IL1RAPL2: variants seen among roughly 807,000 people sequenced by gnomAD.
IL1RAPL2 encodes interleukin 1 receptor accessory protein like 2.
A neutral mutation model predicts 44.1 loss-of-function variants in IL1RAPL2; 3 were observed. That is an observed-to-expected ratio of 0.07 (90% CI 0.03 to 0.18). IL1RAPL2 has a LOEUF of 0.18. Ranked by LOEUF, IL1RAPL2 falls within the 10% of genes least tolerant of loss-of-function variation. The probability of loss-of-function intolerance (pLI) is 1.00; values close to 1 mark genes in which losing one functional copy is unlikely to be tolerated. For missense variants in IL1RAPL2, 391 were observed against 496.4 expected (o/e 0.79, Z 2.02); for synonymous variants, 181 against 178.8 (o/e 1.01, Z -0.10).
At chrX:105,662,668 T>C (rs759762818) in intron 6 of IL1RAPL2, among the ~76,000 whole-genome samples, 9 of 111,727 alleles carry the variant, frequency 8.1e-5, no homozygotes, top group Non-Finnish European at 1.1e-4. Flanking sequence ...TGTGTCTTCC[T>C]CCTCACTGGC....
chrX:104,669,718 C>T (rs908212109), intron 2 of IL1RAPL2, among the ~76,000 whole-genome samples: 4 of 111,763 alleles, frequency 3.6e-5, no homozygotes, highest in African/African-American at 1.3e-4. Context: ...AACCCCTGAC[C>T]TATTGAGGTT....
chrX:105,504,079 G>T (rs1021078591), intron 6 of IL1RAPL2, among the ~76,000 whole-genome samples: 1 of 111,893 alleles, frequency 8.9e-6, no homozygotes, highest in African/African-American at 3.2e-5. Context: ...CTTACATCAA[G>T]ATCTGTATGA....
At chrX:105,175,434 TATTA>T (rs2033463924) in intron 2 of IL1RAPL2, among the ~76,000 whole-genome samples, 1 of 111,701 alleles carries the variant, frequency 9.0e-6, no homozygotes, top group Non-Finnish European at 1.9e-5. Flanking sequence ...TCAGGAGTGA[TATTA>T]ATTATGATTA....
intron 3 of IL1RAPL2, among the ~76,000 whole-genome samples, chrX:105,209,144 T>A (rs782591263): frequency 8.9e-6 from 1 of 112,352 alleles, no homozygotes; most frequent in South Asian, 3.7e-4. Context: ...CAGAAAATTC[T>A]GATTTTTAAG....
At chrX:105,506,524 A>C (rs1169927480) in intron 6 of IL1RAPL2, among the ~76,000 whole-genome samples, 1 of 111,565 alleles carries the variant, frequency 9.0e-6, no homozygotes, top group African/African-American at 3.3e-5. Flanking sequence ...CAGTGAGAAG[A>C]TTCCAGGCCT....
At chrX:104,678,486 A>G (rs1930829384) in intron 2 of IL1RAPL2, among the ~76,000 whole-genome samples, 1 of 111,876 alleles carries the variant, frequency 8.9e-6, no homozygotes, top group Non-Finnish European at 1.9e-5. Context: ...TAGCCTTTTT[A>G]TAGAGCCACT....
At chrX:104,644,331 A>G (rs963272367) in intron 1 of IL1RAPL2, among the ~76,000 whole-genome samples, 2 of 111,560 alleles carry the variant, frequency 1.8e-5, no homozygotes, top group Admixed American at 1.9e-4. Flanking sequence ...TATTGAGAAG[A>G]TATATGCCTC....
At chrX:105,244,713 G>T (rs1290157948) in intron 4 of IL1RAPL2, among the ~76,000 whole-genome samples, 3 of 111,800 alleles carry the variant, frequency 2.7e-5, no homozygotes, top group East Asian at 5.6e-4. Context: ...TCCCACTTCT[G>T]GTGCCATCTG....
intron 6 of IL1RAPL2, among the ~76,000 whole-genome samples, chrX:105,600,344 A>G (rs1192774544): frequency 9.1e-6 from 1 of 110,438 alleles, no homozygotes; most frequent in Non-Finnish European, 1.9e-5. Flanking sequence ...TTTATAGGAT[A>G]TGAACCCTGA....
rs755433282 is a variant in IL1RAPL2, at chrX:104,695,344, A to G, written c.82+36349A>G. On this transcript the variant is annotated intron_variant, in intron 2 of 10. Coordinates refer to ENST00000372582, the MANE Select transcript of IL1RAPL2 (RefSeq NM_017416.2). ...CCTTTTGTGGGGCAGCAGGAGAGAG[A>G]GAGAAAGAGAGAGAGAGAGAGAGAG... 7.3e-5 allele frequency among the ~76,000 whole-genome samples: 8 copies of G among 109,931 alleles called. No homozygotes were observed. In the East Asian group the frequency reaches 2.3e-3, roughly 32 times the overall value.
intron 6 of IL1RAPL2, among the ~76,000 whole-genome samples, chrX:105,659,301 A>T (rs1270343676): frequency 3.6e-5 from 4 of 111,412 alleles, no homozygotes. Context: ...TTTGAATCCA[A>T]GATAACACAG....
chrX:105,115,454 G>A (rs1360116500), intron 2 of IL1RAPL2, among the ~76,000 whole-genome samples: 1 of 111,527 alleles, frequency 9.0e-6, no homozygotes, highest in Non-Finnish European at 1.9e-5. Context: ...GCTGATTGGT[G>A]GGTTTACAAT....
At position 104,579,736 on chromosome X, in the gene IL1RAPL2, A is replaced by C. The variant is rs1928308699; in HGVS notation, c.-20+12685A>C. ...ACCTATATAACAAACATGCACATGT[A>C]TCCCTGAAGCTAAAATAAAAGTTAG... On this transcript the variant is annotated intron_variant, in intron 1 of 10. Coordinates refer to ENST00000372582, the MANE Select transcript of IL1RAPL2 (RefSeq NM_017416.2). 2.7e-5 allele frequency among the ~76,000 whole-genome samples: 3 copies of C among 111,737 alleles called. No homozygotes were observed. In the South Asian group the frequency reaches 1.1e-3, roughly 42 times the overall value.
At chrX:104,908,950 G>C (rs1924132432) in intron 2 of IL1RAPL2, among the ~76,000 whole-genome samples, 1 of 110,679 alleles carries the variant, frequency 9.0e-6, no homozygotes, top group South Asian at 3.8e-4. Flanking sequence ...TTCCAACTTG[G>C]TTCCATTCTC....
intron 2 of IL1RAPL2, among the ~76,000 whole-genome samples, chrX:104,711,855 C>A (rs755459011): frequency 1.1e-3 from 127 of 110,537 alleles, no homozygotes; most frequent in African/African-American, 4.0e-3. Flanking sequence ...TACAAATTTT[C>A]ACTTCAGTAC....
At chrX:105,591,091 C>G (rs1316081724) in intron 6 of IL1RAPL2, among the ~76,000 whole-genome samples, 1 of 110,277 alleles carries the variant, frequency 9.1e-6, no homozygotes, top group Non-Finnish European at 1.9e-5. Flanking sequence ...AATTTTGAAA[C>G]TTGTTACTGA....
chrX:105,384,295 A>C (rs934389061), intron 5 of IL1RAPL2, among the ~76,000 whole-genome samples: 6 of 111,447 alleles, frequency 5.4e-5, no homozygotes, highest in African/African-American at 2.0e-4. Context: ...ATTTGGCTAG[A>C]GATAGGGACC....
chrX:105,310,453 C>A (rs776219022), intron 5 of IL1RAPL2, among the ~76,000 whole-genome samples: 1 of 111,395 alleles, frequency 9.0e-6, no homozygotes, highest in African/African-American at 3.2e-5. Flanking sequence ...TGCCTACCTG[C>A]AATTTTATTT....
intron 2 of IL1RAPL2, among the ~76,000 whole-genome samples, chrX:104,835,938 A>G (rs960404021): frequency 5.4e-5 from 6 of 111,819 alleles, no homozygotes; most frequent in African/African-American, 1.6e-4. Flanking sequence ...AATTGGATCT[A>G]TGTTACTGTT....
Sources: gnomAD v4.1 joint callset for allele counts (sites outside exome capture counted in the v4.1 genomes callset) on GRCh38, gnomAD v4.1.1 for gene constraint, MANE v1.5 for transcripts, NCBI Gene and HGNC (gene_info 2026-07-23, HGNC 2026-07-21) for gene names.